The following ORC3 variants were observed in gnomAD, a reference collection of about 807,000 sequenced individuals.
ORC3 encodes the protein homolog of latheo, Drosophila.
In ORC3, 78 loss-of-function variants were observed where a neutral mutation model predicts 100.7. The ratio of observed to expected loss-of-function variants is 0.77; its 90% CI spans 0.65 to 0.94. The LOEUF (loss-of-function observed/expected upper bound fraction) is 0.94. Among genes scored for constraint, ORC3 ranks in the 40% least tolerant of loss-of-function variants. The probability of loss-of-function intolerance (pLI) is 0.00; values close to 1 mark genes in which losing one functional copy is unlikely to be tolerated. For missense variants in ORC3, 789 were observed against 823.9 expected (o/e 0.96, Z 0.52); for synonymous variants, 295 against 289.3 (o/e 1.02, Z -0.20).
chr6:87,607,765 C>A lies in ORC3; in HGVS notation c.520C>A (p.Gln174Lys), dbSNP rs1778453992. ...AGAGGAGGAAAGTGTTCACGTCACCCAAAGAAAGACACATTATTCAATGGA... is the reference window on the plus strand; with the variant it reads ...AGAGGAGGAAAGTGTTCACGTCACCAAAAGAAAGACACATTATTCAATGGA... ...SKEEESVHVT[Q>K]RKTHYSMDSL... is the part of the protein sequence containing the mutation. Residue 174 changes from glutamine to lysine, a missense_variant, in exon 6 of 20, where the codon CAA becomes AAA. By Grantham distance (53) the Gln-to-Lys change is moderately conservative. Transcript: ENST00000392844. The A allele has an allele frequency of 1.2e-6, 2 of 1,612,064 alleles. No individual in the cohort carries two copies. The highest frequency in any genetic ancestry group is 1.7e-6 in the Non-Finnish European group (2 of 1,178,480).
chr6:87,642,986 A>G (rs933677861), intron 13 of ORC3, among the ~76,000 whole-genome samples: 1 of 152,262 alleles, frequency 6.6e-6, no homozygotes, highest in Admixed American at 6.5e-5. Flanking sequence ...TTTATTTTAG[A>G]AAAGGAATTG....
chr6:87,607,715 A>G lies in ORC3; in HGVS notation c.470A>G (p.Asp157Gly). 1 of 1,609,522 alleles carries G rather than the reference A, an allele frequency of 6.2e-7. No homozygotes were observed. The highest frequency in any genetic ancestry group is 8.5e-7 in the Non-Finnish European group (1 of 1,177,442). ...FLQKLISQLM[D>G]CCVDIKSKEE... ...CAAAAGTTGATCTCACAGTTGATGG[A>G]CTGCTGTGTAGATATAAAATCCAAA... The change falls in exon 6 of 20, where the codon GAC becomes GGC. Residue 157 changes from aspartate (D) to glycine (G), a missense_variant. Around this residue, in one of 3 missense-constraint regions of ORC3, gnomAD observed 399 missense variants for 382.0 expected, o/e 1.04. Coordinates refer to ENST00000392844, the MANE Select transcript of ORC3 (RefSeq NM_012381.4).
At chr6:87,671,376 C>G (rs562983695), downstream of ORC3, among the ~76,000 whole-genome samples, 8 of 152,074 alleles carry the variant, frequency 5.3e-5, no homozygotes, top group East Asian at 1.2e-3. Flanking sequence ...TGCCTAGAAA[C>G]AAAGAATGGA....
At position 87,644,079 on chromosome 6, in the gene ORC3, C is replaced by CTTTTTTTTTTTTTTTTTTTTTTTTTTTTT. The variant is rs1156943778; in HGVS notation, c.1382+7596_1382+7624dup. Among the ~76,000 whole-genome samples the CTTTTTTTTTTTTTTTTTTTTTTTTTTTTT allele has an allele frequency of 7.8e-5, 4 of 51,426 alleles. 1 individual carries two copies. Among genetic ancestry groups the CTTTTTTTTTTTTTTTTTTTTTTTTTTTTT allele is most frequent in the Admixed American group, 2.7e-4 (1 of 3,690 alleles). 33.7% of individuals were successfully genotyped at this position (51,426 alleles called of 152,430 possible). A position where few individuals can be genotyped will look rare whatever the true frequency, so the allele number is the denominator to read the frequency against. On this transcript the variant is annotated intron_variant, in intron 13 of 19. Coordinates refer to ENST00000392844, the MANE Select transcript of ORC3 (RefSeq NM_012381.4). ...CCACAGATACAGATGGCTGACTGTC[C>CTTTTTTTTTTTTTTTTTTTTTTTTTTTTT]TTTTTTTTTTTTTTTTTTTTTTTTT... is the stretch of plus-strand genomic sequence containing the variant.
At chr6:87,618,530 G>T (rs891527061) in intron 9 of ORC3, among the ~76,000 whole-genome samples, 2 of 152,212 alleles carry the variant, frequency 1.3e-5, no homozygotes, top group Non-Finnish European at 2.9e-5. Flanking sequence ...ATGCCCTGGG[G>T]TTCCATAGGA....
At chr6:87,674,264 T>C in the ORC3 span, among the ~76,000 whole-genome samples, 1 of 132,078 alleles carries the variant, frequency 7.6e-6, no homozygotes, top group African/African-American at 3.0e-5. Context: ...ATCGTGCCAC[T>C]GCACTCCAGC....
At chr6:87,653,686 C>T (rs1366039013) in intron 14 of ORC3, among the ~76,000 whole-genome samples, 2 of 152,180 alleles carry the variant, frequency 1.3e-5, no homozygotes, top group Non-Finnish European at 2.9e-5. Context: ...CTATGAACTG[C>T]TTTCACAGCA....
intron 13 of ORC3, among the ~76,000 whole-genome samples, chr6:87,652,734 A>G (rs1769375036): frequency 1.3e-5 from 2 of 152,222 alleles, no homozygotes; most frequent in Non-Finnish European, 2.9e-5. Flanking sequence ...AGAGTCTTCC[A>G]CTGCTTCTTC....
At chr6:87,604,805 A>G (rs1257266227) in intron 4 of ORC3, among the ~76,000 whole-genome samples, 1 of 152,300 alleles carries the variant, frequency 6.6e-6, no homozygotes. Flanking sequence ...TTCAATATCC[A>G]TTTAAAAAAT....
Position 87,626,617 on chromosome 6 carries a change from C to A in ORC3, c.1185+4604C>A, listed in dbSNP as rs181476629. Among the ~76,000 whole-genome samples the A allele has an allele frequency of 1.2e-4, 18 of 152,236 alleles. No individual in the cohort carries two copies. The East Asian group carries it at 3.5e-3, about 29-fold the overall frequency. On this transcript the variant is annotated intron_variant, in intron 11 of 19. Transcript: ENST00000392844. ...CCTGGACAGCATAGCAAAACCCCTTCTCTACTAAAAATACAAAAAATTATC... is the reference window on the plus strand; with the variant it reads ...CCTGGACAGCATAGCAAAACCCCTTATCTACTAAAAATACAAAAAATTATC...
At chr6:87,594,306 G>A (rs763911159) in intron 1 of ORC3, 47 bp from the exon 2 acceptor site, 45 of 1,388,094 alleles carry the variant, frequency 3.2e-5, no homozygotes, top group Non-Finnish European at 3.8e-5. Flanking sequence ...AGATTTCTCT[G>A]CTCCTTGGCT....
chr6:87,676,596 A>AACACACACACACACACACACAC, the ORC3 span, among the ~76,000 whole-genome samples: 1,886 of 142,028 alleles, frequency 0.013, 13 homozygotes, highest in South Asian at 0.018. Context: ...CTCTACTAAA[A>AACACACACACACACACACACAC]ACACACACAC....
intron 14 of ORC3, among the ~76,000 whole-genome samples, chr6:87,654,285 G>A (rs1293507058): frequency 6.6e-6 from 1 of 152,190 alleles, no homozygotes; most frequent in Non-Finnish European, 1.5e-5. Flanking sequence ...GCTCAGTCAT[G>A]GAAGATGAAA....
intron 9 of ORC3, among the ~76,000 whole-genome samples, chr6:87,620,309 A>G (rs1736556944): frequency 6.6e-6 from 1 of 152,258 alleles, no homozygotes; most frequent in Non-Finnish European, 1.5e-5. Context: ...TAATATGTGC[A>G]AAAGTAATTT....
intron 13 of ORC3, among the ~76,000 whole-genome samples, chr6:87,642,460 G>A (rs759533754): frequency 1.3e-4 from 20 of 151,994 alleles, no homozygotes; most frequent in Non-Finnish European, 2.4e-4. Flanking sequence ...GCACATGCCT[G>A]TAATCCCAGC....
intron 16 of ORC3, among the ~76,000 whole-genome samples, chr6:87,662,793 G>C (rs1033670326): frequency 9.2e-5 from 14 of 152,194 alleles, no homozygotes; most frequent in African/African-American, 3.4e-4. Flanking sequence ...CTGTATTAGA[G>C]CTGATATTTG....
intron 16 of ORC3, among the ~76,000 whole-genome samples, chr6:87,662,515 T>C (rs1770268865): frequency 6.6e-6 from 1 of 152,226 alleles, no homozygotes; most frequent in Admixed American, 6.5e-5. Flanking sequence ...AAATTTTCTG[T>C]GATCCAAGAA....
At chr6:87,636,631 T>A in intron 13 of ORC3, 145 bp downstream of exon 13, 2 of 621,588 alleles carry the variant, frequency 3.2e-6, no homozygotes, top group Non-Finnish European at 5.7e-6. Context: ...CTTGAATTTA[T>A]CCATGTAGCT....
In ORC3 at chr6:87,622,030, G is replaced by A. The variant is rs1342707037; in HGVS notation, c.1185+17G>A. The A allele has an allele frequency of 6.5e-7, 1 of 1,527,514 alleles. No individual in the cohort carries two copies. Among genetic ancestry groups the A allele is most frequent in the Admixed American group, 1.7e-5 (1 of 57,820 alleles). The allele number at this position is 1,527,514 out of a possible 1,614,324, so 94.6% of individuals were successfully genotyped here. A position where few individuals can be genotyped will look rare whatever the true frequency, so the allele number is the denominator to read the frequency against. On this transcript the variant is annotated intron_variant, in intron 11 of 19. Coordinates refer to ENST00000392844, the MANE Select transcript of ORC3 (RefSeq NM_012381.4). ...TATTTGAAGGTAGGAATGTGAATGT[G>A]TTTCAGTTTCATTCTCTTTTTCCTT...
Sources: gnomAD v4.1 joint callset for allele counts (sites outside exome capture counted in the v4.1 genomes callset) on GRCh38, gnomAD v4.1.1 for gene constraint, gnomAD v4.1.1 regional missense constraint, MANE v1.5 for transcripts, NCBI Gene and HGNC (gene_info 2026-07-23, HGNC 2026-07-21) for gene names.